UTP20: variants seen among roughly 807,000 people sequenced by gnomAD.
The protein encoded by UTP20 is small subunit processome component 20 homolog.
UTP20 carries 164 observed loss-of-function variants against 329.5 expected under a neutral mutation model. The ratio of observed to expected loss-of-function variants is 0.50; its 90% confidence interval spans 0.44 to 0.57. UTP20 has a LOEUF of 0.57. Ranked by LOEUF, UTP20 falls within the 20% of genes least tolerant of loss-of-function variation. UTP20 has a pLI of 0.00. For synonymous variants in UTP20, 1,151 were observed against 1,159.3 expected (o/e 0.99, Z 0.14); for missense variants, 3,055 against 3,284.2 (o/e 0.93, Z 1.71).
At chr12:101,361,772 T>G (rs140964693) in intron 43 of UTP20, among the ~76,000 whole-genome samples, 190 bp from the exon 44 acceptor site, 1 of 152,294 alleles carries the variant, frequency 6.6e-6, no homozygotes, top group Admixed American at 6.5e-5. Flanking sequence ...CTGAACACCT[T>G]TGGTACAAAG....
intron 14 of UTP20, among the ~76,000 whole-genome samples, chr12:101,301,324 A>G (rs1319511651): frequency 6.8e-6 from 1 of 147,434 alleles, no homozygotes; most frequent in Non-Finnish European, 1.5e-5. Context: ...GTTCAAGACC[A>G]GCTTGGGACA....
Position 101,293,217 on chromosome 12 carries a change from T to C in UTP20, c.1223T>C (p.Val408Ala). 1 of 1,614,142 alleles carries C rather than the reference T, an allele frequency of 6.2e-7. No homozygotes were observed. Among genetic ancestry groups the C allele is most frequent in the South Asian group, 1.1e-5 (1 of 91,086 alleles). The change falls in exon 11 of 62, where the codon GTC (valine) becomes GCC (alanine). Residue 408 changes from valine to alanine, a missense_variant. This residue lies in a region of UTP20 where 2,445 missense variants were observed against 2,575.5 expected (regional missense o/e 0.95). Coordinates refer to ENST00000261637, the MANE Select transcript of UTP20 (RefSeq NM_014503.3). ...CGTTTAATTTTCAGTTTTTCTGAAGTCATGTTTGCCATGAAGCAGTTTGAG... is the reference window on the plus strand; with the variant it reads ...CGTTTAATTTTCAGTTTTTCTGAAGCCATGTTTGCCATGAAGCAGTTTGAG... ...EKRLIFSFSEVMFAMKQFEQL... is the reference protein window; with the variant it reads ...EKRLIFSFSEAMFAMKQFEQL...
At position 101,338,931 on chromosome 12, in the gene UTP20, C is replaced by G; in HGVS notation, c.3987C>G (p.Val1329=). Residue 1329 remains valine (V), a synonymous_variant, in exon 31 of 62, where the codon GTC becomes GTG. Transcript: ENST00000261637. ...KVKKKKNRAQ[V]SKELGILSKI... Reference sequence around the variant, plus strand: ...AAAAGAAAAAGAATAGAGCACAAGTCAGTAAAGAGCTTGGCATTCTTTCAA... The same window carrying G: ...AAAAGAAAAAGAATAGAGCACAAGTGAGTAAAGAGCTTGGCATTCTTTCAA... The G allele has an allele frequency of 6.2e-7, 1 of 1,601,480 alleles. No homozygotes were observed. The highest frequency in any genetic ancestry group is 8.5e-7 in the Non-Finnish European group (1 of 1,177,152).
At chr12:101,347,426 G>A (rs745466848) in intron 38 of UTP20, among the ~76,000 whole-genome samples, 2 of 152,126 alleles carry the variant, frequency 1.3e-5, no homozygotes, top group Admixed American at 6.5e-5. Context: ...GGGAGGCTGA[G>A]GCAGGAGGAT....
chr12:101,342,972 A>G lies in UTP20; in HGVS notation c.4328A>G (p.Asp1443Gly), dbSNP rs756016136. 1 of 1,613,674 alleles carries G rather than the reference A, an allele frequency of 6.2e-7. No individual in the cohort carries two copies. Among genetic ancestry groups the G allele is most frequent in the South Asian group, 1.1e-5 (1 of 90,828 alleles). ...LNAFDQRHLDDINFDVRFETF... is the reference protein window; with the variant it reads ...LNAFDQRHLDGINFDVRFETF... ...GCCTTCGATCAAAGACATCTTGATG[A>G]TATCAACTTCGACGTTCGCTTTGAG... The change falls in exon 35 of 62, where the codon GAT becomes GGT. Residue 1443 changes from aspartate to glycine, a missense_variant. Physicochemically the swap from Asp to Gly is moderately conservative, Grantham distance 94. Transcript: ENST00000261637.
chr12:101,281,995 G>A (rs1259488125), intron 2 of UTP20, among the ~76,000 whole-genome samples: 2 of 152,130 alleles, frequency 1.3e-5, no homozygotes, highest in Non-Finnish European at 2.9e-5. Flanking sequence ...GAGCCACCAC[G>A]CCCGGCCTTG....
At position 101,365,072 on chromosome 12, in the gene UTP20, T is replaced by TTGTGTGTGTGTGTG. The variant is rs60890980; in HGVS notation, c.5959-361_5959-348dup. Reference sequence around the variant, plus strand: ...ATGAGGAGTGAATACATTTTGTTGATTGTGTGTGTGTGTGTGTGTGTGTGT... The same window carrying TTGTGTGTGTGTGTG: ...ATGAGGAGTGAATACATTTTGTTGATTGTGTGTGTGTGTGTGTGTGTGTGTGTGTGTGTGTGTGT... On this transcript the variant is annotated intron_variant, in intron 45 of 61. Transcript: ENST00000261637. Among the ~76,000 whole-genome samples the TTGTGTGTGTGTGTG allele has an allele frequency of 7.9e-3, 1,122 of 141,978 alleles. 10 individuals are homozygous for TTGTGTGTGTGTGTG. Among genetic ancestry groups the TTGTGTGTGTGTGTG allele is most frequent in the African/African-American group, 0.024 (899 of 36,842 alleles). 93.1% of individuals were successfully genotyped at this position (141,978 alleles called of 152,430 possible).
intron 44 of UTP20, among the ~76,000 whole-genome samples, chr12:101,362,673 C>T (rs545104201): frequency 7.5e-6 from 1 of 133,264 alleles, no homozygotes; most frequent in South Asian, 2.2e-4. Flanking sequence ...CACTGCACTT[C>T]AGCCTGGGCG....
At chr12:101,303,797 A>G (rs1482782960) in intron 15 of UTP20, among the ~76,000 whole-genome samples, 1 of 152,206 alleles carries the variant, frequency 6.6e-6, no homozygotes, top group Non-Finnish European at 1.5e-5. Context: ...GTAGGGGAAT[A>G]CTATAATAAT....
intron 11 of UTP20, 48 bp from the exon 12 acceptor site, chr12:101,295,432 C>CT: frequency 6.8e-7 from 1 of 1,469,368 alleles, no homozygotes; most frequent in Non-Finnish European, 9.0e-7. Flanking sequence ...AGCATCTTCT[C>CT]TTTATTATAT....
intron 38 of UTP20, among the ~76,000 whole-genome samples, chr12:101,351,415 G>A (rs1306865574): frequency 3.9e-5 from 6 of 152,188 alleles, no homozygotes; most frequent in South Asian, 2.1e-4. Flanking sequence ...GTGTGCCACC[G>A]CGCCTGGTCC....
intron 38 of UTP20, 40 bp downstream of exon 38, chr12:101,346,628 T>C: frequency 1.3e-6 from 2 of 1,528,430 alleles, no homozygotes; most frequent in Middle Eastern, 1.8e-4. Flanking sequence ...CCTCTTCCCA[T>C]ACCATGACAC....
At chr12:101,309,310 C>T (rs1176191097) in intron 18 of UTP20, among the ~76,000 whole-genome samples, 3 of 152,126 alleles carry the variant, frequency 2.0e-5, no homozygotes, top group Admixed American at 2.0e-4. Flanking sequence ...TAATAATGAC[C>T]CTTATTCCAA....
intron 38 of UTP20, among the ~76,000 whole-genome samples, chr12:101,351,267 C>T (rs1349590171): frequency 6.6e-6 from 1 of 152,074 alleles, no homozygotes; most frequent in Non-Finnish European, 1.5e-5. Flanking sequence ...GCTGGGATTA[C>T]AGGTGCACAC....
chr12:101,282,040 TGTC>T (rs1228499252), intron 2 of UTP20, among the ~76,000 whole-genome samples: 1 of 152,188 alleles, frequency 6.6e-6, no homozygotes, highest in Admixed American at 6.5e-5. Flanking sequence ...TTCTGCATCA[TGTC>T]GTTATTCCTC....
chr12:101,300,212 G>T (rs1872482604), intron 14 of UTP20, 151 bp downstream of exon 14: 1 of 812,136 alleles, frequency 1.2e-6, no homozygotes. Flanking sequence ...GATATGATGG[G>T]CATGTCTCAC....
At chr12:101,291,208 TA>T in intron 8 of UTP20, 1 of 204,384 alleles carries the variant, frequency 4.9e-6, no homozygotes, top group Non-Finnish European at 9.7e-6. Context: ...ATGGGGGTAG[TA>T]ATATTCTCTC....
intron 36 of UTP20, among the ~76,000 whole-genome samples, 155 bp downstream of exon 36, chr12:101,344,905 G>A (rs1252094091): frequency 3.3e-5 from 5 of 150,166 alleles, no homozygotes; most frequent in Admixed American, 3.3e-4. Context: ...TAATGGGAGT[G>A]GGTCTAGAAA....
At position 101,370,919 on chromosome 12, in the gene UTP20, TTAAG is replaced by T. The variant is rs556904569; in HGVS notation, c.6688-137_6688-134del. 5 of 702,092 alleles carry T rather than the reference TTAAG, an allele frequency of 7.1e-6. No homozygotes were observed. In the Admixed American group the frequency reaches 8.9e-5, roughly 13 times the overall value. 43.5% of individuals were successfully genotyped at this position (702,092 alleles called of 1,614,324 possible). Reference sequence around the variant, plus strand: ...TTTAAGGGTTGTGTGTTCTTTGTGCTTAAGTGTCTATCCTTTTTCTTTTGAAGAT... The same window carrying T: ...TTTAAGGGTTGTGTGTTCTTTGTGCTTGTCTATCCTTTTTCTTTTGAAGAT... On this transcript the variant is annotated intron_variant, in intron 50 of 61. Transcript: ENST00000261637.
Sources: gnomAD v4.1 joint callset for allele counts (sites outside exome capture counted in the v4.1 genomes callset) on GRCh38, gnomAD v4.1.1 for gene constraint, gnomAD v4.1.1 regional missense constraint, MANE v1.5 for transcripts, NCBI Gene and HGNC (gene_info 2026-07-23, HGNC 2026-07-21) for gene names.